Variants in ZNF200 observed in about 807,000 individuals in gnomAD.
The protein encoded by ZNF200 is zinc finger protein 200.
Under a neutral mutation model 33.6 loss-of-function variants are expected in ZNF200, and 35 were observed. The observed-to-expected ratio is 1.04, with a 90% CI of 0.80 to 1.38. The LOEUF is 1.38. Ranked by LOEUF, ZNF200 falls within the 40% of genes most tolerant of loss-of-function variation. ZNF200 has a pLI of 0.00. For synonymous variants in ZNF200, 209 were observed against 167.7 expected (o/e 1.25, Z -1.90); for missense variants, 592 against 470.6 (o/e 1.26, Z -2.39).
At chr16:3,224,735 G>C (rs560890312) in intron 4 of ZNF200, 122 bp from the exon 5 acceptor site, 5 of 1,255,854 alleles carry the variant, frequency 4.0e-6, no homozygotes, top group Non-Finnish European at 4.3e-6. Context: ...GGCGGATACT[G>C]CCGTCGCACT....
chr16:3,232,957 C>A, intron 2 of ZNF200, 36 bp from the exon 3 acceptor site: 2 of 1,589,168 alleles, frequency 1.3e-6, no homozygotes, highest in Non-Finnish European at 1.7e-6. Flanking sequence ...GTGAAAAACT[C>A]AGTGACTCTA....
chr16:3,227,419 G>A (rs541498979), intron 4 of ZNF200: 1 of 152,228 alleles, frequency 6.6e-6, no homozygotes, highest in African/African-American at 2.4e-5. Context: ...CTTTTTCTTG[G>A]TATGTAAAGT....
intron 4 of ZNF200, among the ~76,000 whole-genome samples, chr16:3,230,453 A>G (rs1011217018): frequency 3.9e-5 from 6 of 152,168 alleles, no homozygotes; most frequent in Non-Finnish European, 8.8e-5. Flanking sequence ...GTTGCCTAGT[A>G]TTTAGTCAAT....
chr16:3,234,020 G>C, intron 1 of ZNF200, 184 bp from the exon 2 acceptor site: 1 of 350,428 alleles, frequency 2.9e-6, no homozygotes, highest in African/African-American at 2.2e-5. Flanking sequence ...GGAAGATCCT[G>C]AGAATGAAAA....
intron 4 of ZNF200, among the ~76,000 whole-genome samples, chr16:3,231,664 TAAAG>T (rs143856285): frequency 6.6e-6 from 1 of 152,268 alleles, no homozygotes; most frequent in East Asian, 1.9e-4. Context: ...TGAGGACAAA[TAAAG>T]AATGCCCCAT....
rs565589443 is a variant in ZNF200, at chr16:3,224,222, C to G, written c.858G>C (p.Gly286=). 3 of 1,614,140 alleles carry G rather than the reference C, an allele frequency of 1.9e-6. No individual in the cohort carries two copies. The East Asian group carries it at 6.7e-5, about 36-fold the overall frequency. The change falls in exon 5 of 5, where the codon GGG becomes GGC. Residue 286 remains glycine, a synonymous_variant. Coordinates refer to ENST00000414144, the MANE Select transcript of ZNF200 (RefSeq NM_198088.3). ...GEKPYDCNHC[G]KSFNHKTNLN... ...GGTTTGTTTTATGATTGAAGCTTTT[C>G]CCACAGTGATTACAGTCATAGGGTT...
At chr16:3,230,870 G>A (rs755365478) in intron 4 of ZNF200, among the ~76,000 whole-genome samples, 1 of 151,988 alleles carries the variant, frequency 6.6e-6, no homozygotes, top group Non-Finnish European at 1.5e-5. Flanking sequence ...ACTCTGCCCC[G>A]GGTCCAAATC....
In ZNF200 at chr16:3,233,645, G is replaced by C. The variant is rs1596343727; in HGVS notation, c.111C>G (p.Asn37Lys). Reference sequence around the variant, plus strand: ...CTAGCTGGTGGATGGTCTTGGGCCCGTTAGTGGCATCTCGAAGTAGGTCTT... The same window carrying C: ...CTAGCTGGTGGATGGTCTTGGGCCCCTTAGTGGCATCTCGAAGTAGGTCTT... ...LGQDLLRDAT[N>K]GPKTIHQLVL... The change falls in exon 2 of 5, where the codon AAC (asparagine) becomes AAG (lysine). Residue 37 changes from asparagine to lysine, a missense_variant. By Grantham distance (94) the Asn-to-Lys change is moderately conservative. Coordinates refer to ENST00000414144, the MANE Select transcript of ZNF200 (RefSeq NM_198088.3). The C allele has an allele frequency of 3.7e-6, 6 of 1,613,954 alleles. No individual in the cohort carries two copies. Among genetic ancestry groups the C allele is most frequent in the Non-Finnish European group, 5.1e-6 (6 of 1,179,996 alleles).
Position 3,224,130 on chromosome 16 carries a change from A to G in ZNF200, c.950T>C (p.Phe317Ser). ...PYSCSQCGKN[F>S]RQNSHRSRHE... ...ACGACTCCGATGAGAATTCTGACGG[A>G]AGTTTTTTCCACACTGAGAACAGGA... The change falls in exon 5 of 5, where the codon TTC becomes TCC. Residue 317 changes from phenylalanine (F) to serine (S), a missense_variant. By Grantham distance (155) the Phe-to-Ser change is radical. Transcript: ENST00000414144. 6.2e-7 allele frequency: 1 copy of G among 1,614,084 alleles called. No homozygotes were observed. Among genetic ancestry groups the G allele is most frequent in the Non-Finnish European group, 8.5e-7 (1 of 1,180,020 alleles).
At position 3,232,439 on chromosome 16, in the gene ZNF200, C is replaced by T. The variant is rs574414063; in HGVS notation, c.448G>A (p.Gly150Arg). 2.6e-5 allele frequency: 42 copies of T among 1,613,824 alleles called. No homozygotes were observed. Among genetic ancestry groups the T allele is most frequent in the Middle Eastern group, 1.6e-4 (1 of 6,062 alleles). ...TSEKEDDSSV[G>R]EMMLLAVNGS... ...TTCTTACCCAGTAACATCATTTCCC[C>T]GACACTGCTGTCATCTTCCTTCTCT... is the stretch of plus-strand genomic sequence containing the variant. Residue 150 changes from glycine to arginine, a missense_variant, in exon 4 of 5, where the codon GGG becomes AGG. Gly to Arg is a moderately radical substitution (Grantham distance 125). Coordinates refer to ENST00000414144, the MANE Select transcript of ZNF200 (RefSeq NM_198088.3).
At position 3,224,010 on chromosome 16, in the gene ZNF200, C is replaced by G. The variant is rs777142475; in HGVS notation, c.1070G>C (p.Ser357Thr). The G allele has an allele frequency of 6.2e-7, 1 of 1,614,216 alleles. No homozygotes were observed. The highest frequency in any genetic ancestry group is 1.1e-5 in the South Asian group (1 of 91,086). Residue 357 changes from serine (S) to threonine (T), a missense_variant, in exon 5 of 5, where the codon AGT becomes ACT. Coordinates refer to ENST00000414144, the MANE Select transcript of ZNF200 (RefSeq NM_198088.3). ...KNEEFVLHLQ[S>T]HEAERPYGCK... The stretch of plus-strand genomic sequence containing the variant: ...ACCATATGGTCTCTCAGCCTCATGA[C>G]TCTGCAGATGAAGCACAAACTCCTC...
intron 4 of ZNF200, among the ~76,000 whole-genome samples, chr16:3,230,365 T>C (rs1471063229): frequency 6.6e-6 from 1 of 152,252 alleles, no homozygotes; most frequent in Non-Finnish European, 1.5e-5. Context: ...TTACTGATCT[T>C]TATTATTAAT....
intron 4 of ZNF200, among the ~76,000 whole-genome samples, chr16:3,228,335 T>C (rs929936516): frequency 1.3e-5 from 2 of 152,184 alleles, no homozygotes; most frequent in African/African-American, 2.4e-5. Context: ...GATTACTCTG[T>C]TCTACCTATA....
intron 2 of ZNF200, 29 bp downstream of exon 2, chr16:3,233,474 CTCT>C: frequency 1.3e-6 from 2 of 1,500,788 alleles, no homozygotes; most frequent in Middle Eastern, 3.6e-4. Flanking sequence ...CCTCCTCCTC[CTCT>C]TCTAGTGAAA....
chr16:3,233,549 G>T lies in ZNF200; in HGVS notation c.207C>A (p.Thr69=), dbSNP rs150527217. ...LVQPSQKVKE[T]LVIMKDVSSS... ...AGCTCACATCTTTCATAATAACCAA[G>T]GTCTCCTTGACTTTCTGACTGGGCT... The change falls in exon 2 of 5, where the codon ACC becomes ACA. Residue 69 remains threonine, a synonymous_variant. Transcript: ENST00000414144. 6.3e-7 allele frequency: 1 copy of T among 1,589,694 alleles called. No homozygotes were observed. The highest frequency in any genetic ancestry group is 1.8e-5 in the Admixed American group (1 of 55,078).
chr16:3,229,758 G>A (rs1434451778), intron 4 of ZNF200, among the ~76,000 whole-genome samples: 2 of 151,998 alleles, frequency 1.3e-5, no homozygotes, highest in Non-Finnish European at 2.9e-5. Context: ...CCAGCTACTC[G>A]GGAGGCTGAG....
Position 3,233,632 on chromosome 16 carries a change from T to C in ZNF200, c.124A>G (p.Ile42Val). Reference protein sequence around the residue: ...LRDATNGPKTIHQLVLEHFLT... With the variant: ...LRDATNGPKTVHQLVLEHFLT... ...AAGTGCTCCAGCACTAGCTGGTGGA[T>C]GGTCTTGGGCCCGTTAGTGGCATCT... The change falls in exon 2 of 5, where the codon ATC (isoleucine) becomes GTC (valine). Residue 42 changes from isoleucine (I) to valine (V), a missense_variant. Transcript: ENST00000414144. 1.9e-6 allele frequency: 3 copies of C among 1,613,930 alleles called. No homozygotes were observed. Among genetic ancestry groups the C allele is most frequent in the Non-Finnish European group, 2.5e-6 (3 of 1,179,960 alleles).
In ZNF200 at chr16:3,233,724, G is replaced by A; in HGVS notation, c.32C>T (p.Pro11Leu). The A allele has an allele frequency of 6.2e-7, 1 of 1,612,644 alleles. No homozygotes were observed. Among genetic ancestry groups the A allele is most frequent in the Non-Finnish European group, 8.5e-7 (1 of 1,179,496 alleles). ...CAGTATAAAGGACTGCTTTGGCTTT[G>A]GGGGCATAGGAACCACTTTTGCAGC... is the stretch of plus-strand genomic sequence containing the variant. MMAAKVVPMPPKPKQSFILRV... is the reference protein window; with the variant it reads MMAAKVVPMPLKPKQSFILRV... Residue 11 changes from proline (P) to leucine (L), a missense_variant, in exon 2 of 5, where the codon CCA (proline) becomes CTA (leucine). Transcript: ENST00000414144.
At chr16:3,233,014 T>C (rs770383988) in intron 2 of ZNF200, 93 bp from the exon 3 acceptor site, 25 of 1,135,412 alleles carry the variant, frequency 2.2e-5, no homozygotes, top group Non-Finnish European at 3.1e-5. Context: ...CTCATTCCTT[T>C]GACAGGTAAC....
Sources: gnomAD v4.1 joint callset for allele counts (sites outside exome capture counted in the v4.1 genomes callset) on GRCh38, gnomAD v4.1.1 for gene constraint, MANE v1.5 for transcripts, NCBI Gene and HGNC (gene_info 2026-07-23, HGNC 2026-07-21) for gene names.